CXorf58: variants seen among roughly 807,000 people sequenced by gnomAD.
The protein encoded by CXorf58 is uncharacterized protein CXorf58.
CXorf58 carries 24 observed loss-of-function variants against 26.0 expected under a neutral mutation model. The ratio of observed to expected loss-of-function variants is 0.92; its 90% CI spans 0.67 to 1.30. The LOEUF (loss-of-function observed/expected upper bound fraction) is 1.30, where lower values mean the gene tolerates loss of function less well. Among genes scored for constraint, CXorf58 ranks in the 50% most tolerant of loss-of-function variants. The pLI is 0.00. For synonymous variants in CXorf58, 87 were observed against 86.1 expected, an observed-to-expected ratio of 1.01 and a Z score of -0.06; for missense variants, 236 against 263.9, an observed-to-expected ratio of 0.89 and a Z score of 0.73.
At chrX:23,923,370 G>A (rs748297919) in intron 5 of CXorf58, among the ~76,000 whole-genome samples, 1 of 110,124 alleles carries the variant, frequency 9.1e-6, no homozygotes, top group East Asian at 2.9e-4. Context: ...AGTGTAGGGA[G>A]GACCTGTCAA....
intron 5 of CXorf58, among the ~76,000 whole-genome samples, chrX:23,921,940 C>T (rs890827680): frequency 1.8e-5 from 2 of 110,193 alleles, no homozygotes; most frequent in Non-Finnish European, 3.8e-5. Context: ...TGGCCTCAAG[C>T]GATCTGCCCA....
At chrX:23,937,635 G>C (rs779518449) in intron 7 of CXorf58, among the ~76,000 whole-genome samples, 59 of 109,851 alleles carry the variant, frequency 5.4e-4, no homozygotes, top group Non-Finnish European at 8.0e-4. Flanking sequence ...ATGCTGGTCA[G>C]GCTGGTCTCG....
intron 6 of CXorf58, among the ~76,000 whole-genome samples, chrX:23,933,631 G>A (rs1174790100): frequency 9.0e-6 from 1 of 111,046 alleles, no homozygotes; most frequent in African/African-American, 3.3e-5. Flanking sequence ...GCTCACGCCT[G>A]TAATCTCAGC....
At chrX:23,923,655 A>C (rs1351742190) in intron 5 of CXorf58, among the ~76,000 whole-genome samples, 1 of 107,047 alleles carries the variant, frequency 9.3e-6, no homozygotes, top group African/African-American at 3.4e-5. Flanking sequence ...AAAAAAAAAA[A>C]CCCTAAATAA....
intron 5 of CXorf58, among the ~76,000 whole-genome samples, chrX:23,924,520 A>G (rs1315308836): frequency 9.2e-6 from 1 of 109,239 alleles, no homozygotes; most frequent in African/African-American, 3.3e-5. Context: ...ACGGGGTTTC[A>G]CCATGTTGGC....
At chrX:23,928,108 A>G (rs1928062261) in intron 6 of CXorf58, among the ~76,000 whole-genome samples, 1 of 111,463 alleles carries the variant, frequency 9.0e-6, no homozygotes, top group Non-Finnish European at 1.9e-5. Context: ...GGTGATGGAA[A>G]TATTCTGAAA....
At chrX:23,909,007 G>T (rs985696831) in intron 1 of CXorf58, among the ~76,000 whole-genome samples, 1 of 111,723 alleles carries the variant, frequency 9.0e-6, no homozygotes, top group Non-Finnish European at 1.9e-5. Context: ...GTAACACCAA[G>T]GCCCAGCTGT....
chrX:23,935,314 C>T lies in CXorf58; in HGVS notation c.674C>T (p.Ser225Leu). The change falls in exon 7 of 9, where the codon TCA becomes TTA. Residue 225 changes from serine (S) to leucine (L), a missense_variant. Coordinates refer to ENST00000379211, the MANE Select transcript of CXorf58 (RefSeq NM_152761.3). ...CTAATGTATGACATAGTTCATTATT[C>T]AGAGTCTGGAGTGATCTCAAACCGT... is the stretch of plus-strand genomic sequence containing the variant. ...TMLMYDIVHY[S>L]ESGVISNRLR... 1 of 1,208,006 alleles carries T rather than the reference C, an allele frequency of 8.3e-7. No individual in the cohort carries two copies.
rs1263533200 is a variant in CXorf58 at position 23,935,459 on chromosome X, A to C, written c.785+34A>C. 4 of 973,500 alleles carry C rather than the reference A, an allele frequency of 4.1e-6. No individual in the cohort carries two copies. In the South Asian group the frequency reaches 8.2e-5, roughly 20 times the overall value. 80.2% of individuals were successfully genotyped at this position (973,500 alleles called of 1,213,427 possible). On this transcript the variant is annotated intron_variant, in intron 7 of 8. Transcript: ENST00000379211. ...GATTCTTCACTGGGGTTACAATACT[A>C]GGGGCATATCTGAAAATGTTCACAT...
intron 6 of CXorf58, among the ~76,000 whole-genome samples, chrX:23,932,548 A>G (rs919649807): frequency 8.9e-6 from 1 of 112,400 alleles, no homozygotes; most frequent in Non-Finnish European, 1.9e-5. Flanking sequence ...GGAGACAAAA[A>G]TGCAACACAA....
At chrX:23,920,910 C>A (rs1460215044) in intron 5 of CXorf58, among the ~76,000 whole-genome samples, 2 of 108,670 alleles carry the variant, frequency 1.8e-5, no homozygotes, top group African/African-American at 6.7e-5. Flanking sequence ...AAAAAAACAC[C>A]TAGAAAATGA....
chrX:23,935,091 C>G, intron 6 of CXorf58, 105 bp from the exon 7 acceptor site: 1 of 569,255 alleles, frequency 1.8e-6, no homozygotes, highest in Non-Finnish European at 2.9e-6. Flanking sequence ...TCTACGAACT[C>G]CTGACCTCAG....
chrX:23,908,531 A>G (rs111929870), intron 1 of CXorf58, among the ~76,000 whole-genome samples: 9,912 of 111,712 alleles, frequency 0.089, 979 homozygotes, highest in African/African-American at 0.28. Context: ...ATTATTCCCA[A>G]TACATAGATG....
intron 7 of CXorf58, among the ~76,000 whole-genome samples, chrX:23,938,250 C>T (rs1470029166): frequency 1.8e-5 from 2 of 111,481 alleles, no homozygotes; most frequent in Non-Finnish European, 3.8e-5. Flanking sequence ...ATGGCTACTA[C>T]ACAGTATTTT....
Position 23,938,695 on chromosome X carries a change from G to T in CXorf58, c.934G>T (p.Val312Leu). The stretch of plus-strand genomic sequence containing the variant: ...GGCTAAAGAAAAAAATACTTCTGAG[G>T]TGACTGTAAGTTTAACTTGTACTGA... Reference protein sequence around the residue: ...YLAKEKNTSEVTEPKTGPSGT... With the variant: ...YLAKEKNTSELTEPKTGPSGT... Residue 312 changes from valine to leucine, a missense_variant, in exon 8 of 9, where the codon GTG (valine) becomes TTG (leucine). Transcript: ENST00000379211. 1 of 1,149,741 alleles carries T rather than the reference G, an allele frequency of 8.7e-7. No homozygotes were observed. Among genetic ancestry groups the T allele is most frequent in the South Asian group, 2.0e-5 (1 of 50,461 alleles). The allele number at this position is 1,149,741 out of a possible 1,213,427, so 94.8% of individuals were successfully genotyped here. A position where few individuals can be genotyped will look rare whatever the true frequency, so the allele number is the denominator to read the frequency against.
In CXorf58 at chrX:23,939,355, A is replaced by C; in HGVS notation, c.*52A>C. On this transcript the variant is annotated 3_prime_UTR_variant, in exon 9 of 9. Coordinates refer to ENST00000379211, the MANE Select transcript of CXorf58 (RefSeq NM_152761.3). Reference sequence around the variant, plus strand: ...CAGAGTGTCAGCTGGAAAAAGAAAAAAGGACTCATTTTCCTGGTATCAAAA... The same window carrying C: ...CAGAGTGTCAGCTGGAAAAAGAAAACAGGACTCATTTTCCTGGTATCAAAA... The C allele has an allele frequency of 1.1e-6, 1 of 908,831 alleles. No individual in the cohort carries two copies. Among genetic ancestry groups the C allele is most frequent in the Non-Finnish European group, 1.6e-6 (1 of 644,533 alleles). The allele number at this position is 908,831 out of a possible 1,213,427, so 74.9% of individuals were successfully genotyped here.
rs1443644473 is a variant in CXorf58 at position 23,935,283 on chromosome X, A to T, written c.643A>T (p.Thr215Ser). 1.7e-6 allele frequency: 2 copies of T among 1,207,695 alleles called. No individual in the cohort carries two copies. Among genetic ancestry groups the T allele is most frequent in the African/African-American group, 3.5e-5 (2 of 57,230 alleles). ...ATTAAATCTTGAAAATATTCCCAGG[A>T]CAATGCTAATGTATGACATAGTTCA... is the stretch of plus-strand genomic sequence containing the variant. Reference protein sequence around the residue: ...RKLNLENIPRTMLMYDIVHYS... With the variant: ...RKLNLENIPRSMLMYDIVHYS... The change falls in exon 7 of 9, where the codon ACA becomes TCA. Residue 215 changes from threonine to serine, a missense_variant. By Grantham distance (58) the Thr-to-Ser change is moderately conservative. Transcript: ENST00000379211.
At chrX:23,920,051 G>A (rs376281962) in intron 5 of CXorf58, among the ~76,000 whole-genome samples, 2 of 112,406 alleles carry the variant, frequency 1.8e-5, no homozygotes, top group Non-Finnish European at 3.8e-5. Flanking sequence ...GCTGGGGGAC[G>A]GGTAAAACAA....
intron 5 of CXorf58, among the ~76,000 whole-genome samples, chrX:23,918,676 T>C (rs976762458): frequency 5.4e-5 from 6 of 112,020 alleles, no homozygotes; most frequent in Non-Finnish European, 9.4e-5. Flanking sequence ...GTGAATTTTG[T>C]ACTCTCAGAT....
Sources: gnomAD v4.1 joint callset for allele counts (sites outside exome capture counted in the v4.1 genomes callset) on GRCh38, gnomAD v4.1.1 for gene constraint, MANE v1.5 for transcripts, NCBI Gene and HGNC (gene_info 2026-07-23, HGNC 2026-07-21) for gene names.